Variants in TTL observed in about 807,000 individuals in gnomAD.
TTL encodes tubulin--tyrosine ligase.
A neutral mutation model predicts 41.1 loss-of-function variants in TTL; 10 were observed. The ratio of observed to expected loss-of-function variants is 0.24; its 90% CI spans 0.15 to 0.41. TTL has a LOEUF of 0.41. Among genes scored for constraint, TTL ranks in the 10% least tolerant of loss-of-function variants. TTL has a pLI of 1.00. For missense variants in TTL, 367 were observed against 460.4 expected (o/e 0.80, Z 1.86); for synonymous variants, 175 against 175.5 (o/e 1.00, Z 0.02).
At position 112,531,458 on chromosome 2, in the gene TTL, G is replaced by A. The variant is rs1248077851; in HGVS notation, c.*2663G>A. The stretch of plus-strand genomic sequence containing the variant: ...TCAAGGGCTTTTGATGAGGACAAGT[G>A]ACAGTAGGAAGATGCAAGAGCCTTT... On this transcript the variant is annotated 3_prime_UTR_variant, in exon 7 of 7. Coordinates refer to ENST00000233336, the MANE Select transcript of TTL (RefSeq NM_153712.5). The A allele has an allele frequency of 2.2e-5, 5 of 229,566 alleles. No homozygotes were observed. Among genetic ancestry groups the A allele is most frequent in the East Asian group, 1.3e-4 (2 of 15,968 alleles). 14.2% of individuals were successfully genotyped at this position (229,566 alleles called of 1,614,324 possible). A position where few individuals can be genotyped will look rare whatever the true frequency, so the allele number is the denominator to read the frequency against.
intron 6 of TTL, among the ~76,000 whole-genome samples, chr2:112,521,642 G>A (rs1682234331): frequency 6.6e-6 from 1 of 152,204 alleles, no homozygotes; most frequent in South Asian, 2.1e-4. Flanking sequence ...ATCAGTCTCT[G>A]CAGCCGATAA....
intron 5 of TTL, among the ~76,000 whole-genome samples, chr2:112,517,026 T>G (rs1682089469): frequency 6.6e-6 from 1 of 152,096 alleles, no homozygotes; most frequent in African/African-American, 2.4e-5. Context: ...TCCCAGCAGC[T>G]CTCAGGTTTT....
rs751213936 is a variant in TTL, at chr2:112,482,333, C to T, written c.-12C>T. ...GCGGCTGCCCGGCGGCCCGGGCGCG[C>T]GGCGCTTCGCCATGTACACCTTCGT... On this transcript the variant is annotated 5_prime_UTR_variant, in exon 1 of 7. Coordinates refer to ENST00000233336, the MANE Select transcript of TTL (RefSeq NM_153712.5). This position sits in a 1 kb window ranked among gnomAD's most constrained non-coding sequence, Gnocchi z 5.3. The T allele has an allele frequency of 1.7e-4, 252 of 1,495,456 alleles. 1 individual carries two copies. Among genetic ancestry groups the T allele is most frequent in the Non-Finnish European group, 3.7e-5 (41 of 1,118,754 alleles). The allele number at this position is 1,495,456 out of a possible 1,614,324, so 92.6% of individuals were successfully genotyped here.
At chr2:112,521,698 A>G (rs1682235937) in intron 6 of TTL, among the ~76,000 whole-genome samples, 2 of 152,150 alleles carry the variant, frequency 1.3e-5, no homozygotes, top group East Asian at 1.9e-4. Flanking sequence ...GTATGAGGCC[A>G]TGGGTTCACA....
chr2:112,539,410 A>G lies in TTL; in HGVS notation c.*10615A>G, dbSNP rs567637822. On this transcript the variant is annotated 3_prime_UTR_variant, in exon 7 of 7. Coordinates refer to ENST00000233336, the MANE Select transcript of TTL (RefSeq NM_153712.5). ...AATATACCACTTTAATAGAAAAAAGAGGACAAAAAGCACATGATCATTTCA... is the reference window on the plus strand; with the variant it reads ...AATATACCACTTTAATAGAAAAAAGGGGACAAAAAGCACATGATCATTTCA... 1.8e-4 allele frequency: 28 copies of G among 152,228 alleles called. 1 individual carries two copies. Among genetic ancestry groups the G allele is most frequent in the Admixed American group, 3.9e-4 (6 of 15,282 alleles). The allele number at this position is 152,228 out of a possible 1,614,324, so 9.4% of individuals were successfully genotyped here.
At chr2:112,485,873 T>TCCTGGG in intron 1 of TTL, 44 bp from the exon 2 acceptor site, 1 of 1,504,578 alleles carries the variant, frequency 6.6e-7, no homozygotes, top group African/African-American at 2.5e-5. Flanking sequence ...CTCTCCTGCT[T>TCCTGGG]GCTGTGTCCT....
Position 112,482,398 on chromosome 2 carries a change from C to G in TTL, c.54C>G (p.Ser18=). The change falls in exon 1 of 7, where the codon TCC becomes TCG. Residue 18 remains serine (S), a synonymous_variant. Transcript: ENST00000233336. This position sits in a 1 kb window ranked among gnomAD's most constrained non-coding sequence, Gnocchi z 5.3. ...ACAGCAGCGTCTACGCCGAGGTCTC[C>G]CGGCTGCTCCTCGCCACCGGCCACT... is the stretch of plus-strand genomic sequence containing the variant. ...DENSSVYAEV[S]RLLLATGHWK... is the part of the protein sequence containing the mutation. The G allele has an allele frequency of 6.2e-7, 1 of 1,601,108 alleles. No individual in the cohort carries two copies. The highest frequency in any genetic ancestry group is 2.3e-5 in the East Asian group (1 of 44,264).
Position 112,535,927 on chromosome 2 carries a change from C to T in TTL, c.*7132C>T, listed in dbSNP as rs1199071292. 1.3e-5 allele frequency: 2 copies of T among 152,172 alleles called. No homozygotes were observed. Among genetic ancestry groups the T allele is most frequent in the African/African-American group, 2.4e-5 (1 of 41,436 alleles). The allele number at this position is 152,172 out of a possible 1,614,324, so 9.4% of individuals were successfully genotyped here. A position where few individuals can be genotyped will look rare whatever the true frequency, so the allele number is the denominator to read the frequency against. ...TCAAGTAATCTTCCCACCTTAGCCACCCAAGTAGCTGGAACTATAGGTGCC... is the reference window on the plus strand; with the variant it reads ...TCAAGTAATCTTCCCACCTTAGCCATCCAAGTAGCTGGAACTATAGGTGCC... On this transcript the variant is annotated 3_prime_UTR_variant, in exon 7 of 7. Coordinates refer to ENST00000233336, the MANE Select transcript of TTL (RefSeq NM_153712.5).
In TTL at chr2:112,541,491, A is replaced by G. The variant is rs1682741869; in HGVS notation, c.*12696A>G. ...GACTCCCGGCTCGAATTTTTTATAA[A>G]AAGTGATATAGGAATGAAAAGTACC... On this transcript the variant is annotated 3_prime_UTR_variant, in exon 7 of 7. Transcript: ENST00000233336. 6.6e-6 allele frequency: 1 copy of G among 152,204 alleles called. No homozygotes were observed. Among genetic ancestry groups the G allele is most frequent in the Non-Finnish European group, 1.5e-5 (1 of 68,054 alleles). 9.4% of individuals were successfully genotyped at this position (152,204 alleles called of 1,614,324 possible).
intron 2 of TTL, among the ~76,000 whole-genome samples, chr2:112,493,529 G>A (rs1157659343): frequency 6.6e-6 from 1 of 152,212 alleles, no homozygotes; most frequent in Non-Finnish European, 1.5e-5. Flanking sequence ...GGAAGCCCCT[G>A]TGTGCTAAGT....
chr2:112,520,186 G>A lies in TTL; in HGVS notation c.876-96G>A, dbSNP rs1305230193. ...AATTAAAGCTGATAAGCTGATATTT[G>A]TATTCATCTCATATAAAATCTTTCA... is the stretch of plus-strand genomic sequence containing the variant. On this transcript the variant is annotated intron_variant, in intron 5 of 6. Coordinates refer to ENST00000233336, the MANE Select transcript of TTL (RefSeq NM_153712.5). The A allele has an allele frequency of 6.7e-6, 7 of 1,052,436 alleles. No individual in the cohort carries two copies. The Admixed American group carries it at 8.3e-5, about 12-fold the overall frequency. 65.2% of individuals were successfully genotyped at this position (1,052,436 alleles called of 1,614,324 possible).
rs1327687399 is a variant in TTL, at chr2:112,533,913, CCT to C, written c.*5119_*5120del. 6.6e-6 allele frequency: 1 copy of C among 152,126 alleles called. No homozygotes were observed. The highest frequency in any genetic ancestry group is 2.4e-5 in the African/African-American group (1 of 41,402). The allele number at this position is 152,126 out of a possible 1,614,324, so 9.4% of individuals were successfully genotyped here. On this transcript the variant is annotated 3_prime_UTR_variant, in exon 7 of 7. Coordinates refer to ENST00000233336, the MANE Select transcript of TTL (RefSeq NM_153712.5). ...CTTGAAGATTGTTGCAAGCATAATT[CCT>C]TTCAAAAATTATGAGAGGACATCAG...
intron 2 of TTL, among the ~76,000 whole-genome samples, chr2:112,491,084 C>T (rs1289661866): frequency 1.3e-5 from 2 of 151,990 alleles, no homozygotes; most frequent in African/African-American, 2.4e-5. Context: ...CTCCGCCTCC[C>T]GGGTTCAAGC....
chr2:112,482,621 C>A lies in TTL; in HGVS notation c.157+120C>A. ...ATACATTTTCTCCTCTGTCGCTTGTCGGGCACATCAGAAACGGATTCGGAA... is the reference window on the plus strand; with the variant it reads ...ATACATTTTCTCCTCTGTCGCTTGTAGGGCACATCAGAAACGGATTCGGAA... On this transcript the variant is annotated intron_variant, in intron 1 of 6. Transcript: ENST00000233336. The surrounding 1 kb of genome is among the most constrained non-coding windows in gnomAD (Gnocchi z 5.3). The A allele has an allele frequency of 8.9e-7, 1 of 1,120,020 alleles. No homozygotes were observed. The highest frequency in any genetic ancestry group is 1.2e-6 in the Non-Finnish European group (1 of 820,610). The allele number at this position is 1,120,020 out of a possible 1,614,324, so 69.4% of individuals were successfully genotyped here.
At position 112,482,560 on chromosome 2, in the gene TTL, G is replaced by A. The variant is rs1237362624; in HGVS notation, c.157+59G>A. The A allele has an allele frequency of 2.6e-6, 4 of 1,510,632 alleles. No individual in the cohort carries two copies. The highest frequency in any genetic ancestry group is 3.6e-6 in the Non-Finnish European group (4 of 1,125,672). The allele number at this position is 1,510,632 out of a possible 1,614,324, so 93.6% of individuals were successfully genotyped here. A position where few individuals can be genotyped will look rare whatever the true frequency, so the allele number is the denominator to read the frequency against. On this transcript the variant is annotated intron_variant, in intron 1 of 6. Transcript: ENST00000233336. This position sits in a 1 kb window ranked among gnomAD's most constrained non-coding sequence, Gnocchi z 5.3. The stretch of plus-strand genomic sequence containing the variant: ...CGGAGCGGCCCTGCGCGCCTCCCGC[G>A]GCCCGTTAGAACCGGCGCTTTTGTT...
intron 3 of TTL, among the ~76,000 whole-genome samples, chr2:112,495,611 G>C (rs1681503142): frequency 6.6e-6 from 1 of 152,310 alleles, no homozygotes; most frequent in South Asian, 2.1e-4. Flanking sequence ...GCTTTGGGAA[G>C]CCGAGGCGGG....
At position 112,533,752 on chromosome 2, in the gene TTL, G is replaced by GT. The variant is rs1682551124; in HGVS notation, c.*4957_*4958insT. 6.6e-6 allele frequency: 1 copy of GT among 152,074 alleles called. No homozygotes were observed. The highest frequency in any genetic ancestry group is 6.5e-5 in the Admixed American group (1 of 15,270). 9.4% of individuals were successfully genotyped at this position (152,074 alleles called of 1,614,324 possible). A position where few individuals can be genotyped will look rare whatever the true frequency, so the allele number is the denominator to read the frequency against. ...AGCTCTCGTGACCTAACCTCTTACA[G>GT]GTCCCACCTCTCAACACTATTGCAG... On this transcript the variant is annotated 3_prime_UTR_variant, in exon 7 of 7. Coordinates refer to ENST00000233336, the MANE Select transcript of TTL (RefSeq NM_153712.5).
chr2:112,526,231 A>G (rs1682369182), intron 6 of TTL, among the ~76,000 whole-genome samples: 1 of 152,180 alleles, frequency 6.6e-6, no homozygotes. Context: ...CATCAGGGAT[A>G]TTGGTCTAAA....
chr2:112,519,303 T>C (rs1411937107), intron 5 of TTL, among the ~76,000 whole-genome samples: 2 of 152,190 alleles, frequency 1.3e-5, no homozygotes, highest in Admixed American at 1.3e-4. Flanking sequence ...TGTAATTATC[T>C]CACTGAACAA....
Sources: gnomAD v4.1 joint callset for allele counts (sites outside exome capture counted in the v4.1 genomes callset) on GRCh38, gnomAD v4.1.1 for gene constraint, Gnocchi (gnomAD v3.1) non-coding constraint, MANE v1.5 for transcripts, NCBI Gene and HGNC (gene_info 2026-07-23, HGNC 2026-07-21) for gene names.